The following ESD variants were observed in gnomAD, a reference collection of about 807,000 sequenced individuals.
ESD encodes the protein esterase D, also known as S-formylglutathione hydrolase.
In ESD, 34 loss-of-function variants were observed where a neutral mutation model predicts 38.1. The ratio of observed to expected loss-of-function variants is 0.89; its 90% CI spans 0.68 to 1.19. The LOEUF is 1.19. Ranked by LOEUF, ESD falls within the 50% of genes most tolerant of loss-of-function variation. The pLI is 0.00. For synonymous variants in ESD, 97 were observed against 107.0 expected (o/e 0.91, Z 0.58); for missense variants, 334 against 327.2 (o/e 1.02, Z -0.16).
At chr13:46,782,101 T>C (rs1303143446) in intron 6 of ESD, among the ~76,000 whole-genome samples, 1 of 151,584 alleles carries the variant, frequency 6.6e-6, no homozygotes, top group East Asian at 1.9e-4. Flanking sequence ...TATATGTAAC[T>C]TAAAAAGAAG....
intron 3 of ESD, among the ~76,000 whole-genome samples, chr13:46,789,840 A>C (rs987583062): frequency 2.0e-5 from 3 of 151,686 alleles, no homozygotes; most frequent in Admixed American, 6.6e-5. Context: ...TTTGAGACAG[A>C]GTTTCGCTCT....
intron 8 of ESD, among the ~76,000 whole-genome samples, 175 bp from the exon 9 acceptor site, chr13:46,777,798 C>T (rs769468408): frequency 4.6e-5 from 7 of 151,812 alleles, no homozygotes; most frequent in Non-Finnish European, 1.0e-4. Context: ...ACAAGGTCTT[C>T]GGAATTCTAT....
At chr13:46,786,106 T>C (rs969480535) in intron 4 of ESD, among the ~76,000 whole-genome samples, 13 of 152,068 alleles carry the variant, frequency 8.5e-5, no homozygotes, top group African/African-American at 3.1e-4. Context: ...ATTAAATAAC[T>C]AATTTTGTTG....
chr13:46,789,169 T>C (rs1474775634), intron 3 of ESD, among the ~76,000 whole-genome samples: 1 of 152,184 alleles, frequency 6.6e-6, no homozygotes, highest in Non-Finnish European at 1.5e-5. Flanking sequence ...TGGAAACTCT[T>C]TCTCCTCTGA....
At chr13:46,796,501 T>C (rs1352435926) in intron 1 of ESD, among the ~76,000 whole-genome samples, 1 of 152,224 alleles carries the variant, frequency 6.6e-6, no homozygotes, top group Non-Finnish European at 1.5e-5. Context: ...CCCATTTCCC[T>C]AATGACCCCA....
At position 46,771,477 on chromosome 13, in the gene ESD, T is replaced by C; in HGVS notation, c.788A>G (p.Tyr263Cys). Residue 263 changes from tyrosine (Y) to cysteine (C), a missense_variant, in exon 10 of 10, where the codon TAC becomes TGC. By Grantham distance (194) the Tyr-to-Cys change is radical. Coordinates refer to ENST00000378720, the MANE Select transcript of ESD (RefSeq NM_001984.2). ...RLQEGYDHSY[Y>C]FIATFITDHI... Reference sequence around the variant, plus strand: ...GTCAGTAATAAAGGTTGCAATGAAGTAGTAGCTATGATCATAACCCTAGAA... The same window carrying C: ...GTCAGTAATAAAGGTTGCAATGAAGCAGTAGCTATGATCATAACCCTAGAA... The C allele has an allele frequency of 1.2e-6, 2 of 1,603,308 alleles. No individual in the cohort carries two copies. The highest frequency in any genetic ancestry group is 1.7e-6 in the Non-Finnish European group (2 of 1,171,200).
At chr13:46,773,351 A>C (rs1297558768) in intron 9 of ESD, among the ~76,000 whole-genome samples, 1 of 152,166 alleles carries the variant, frequency 6.6e-6, no homozygotes, top group Non-Finnish European at 1.5e-5. Context: ...ACTAATTTAC[A>C]CTCCAGGTGG....
intron 7 of ESD, among the ~76,000 whole-genome samples, chr13:46,780,772 T>C (rs1438963097): frequency 1.3e-5 from 2 of 151,766 alleles, no homozygotes; most frequent in Non-Finnish European, 3.0e-5. Flanking sequence ...GAAACTGTTA[T>C]GAGAAATGTT....
In ESD at chr13:46,777,506, T is replaced by C; in HGVS notation, c.718A>G (p.Ile240Val). The C allele has an allele frequency of 6.2e-7, 1 of 1,611,262 alleles. No individual in the cohort carries two copies. The highest frequency in any genetic ancestry group is 1.1e-5 in the South Asian group (1 of 90,772). The part of the protein sequence containing the change: ...LDGQLLPDNF[I>V]AACTEKKIPV... Reference sequence around the variant, plus strand: ...ATTTTCTTTTCTGTACAGGCAGCTATGAAGTTATCAGGGAGTAACTGTCCA... The same window carrying C: ...ATTTTCTTTTCTGTACAGGCAGCTACGAAGTTATCAGGGAGTAACTGTCCA... The change falls in exon 9 of 10, where the codon ATA becomes GTA. Residue 240 changes from isoleucine to valine, a missense_variant. Coordinates refer to ENST00000378720, the MANE Select transcript of ESD (RefSeq NM_001984.2).
chr13:46,792,742 A>G (rs191581000), intron 2 of ESD, among the ~76,000 whole-genome samples: 102 of 152,180 alleles, frequency 6.7e-4, no homozygotes, highest in African/African-American at 2.0e-3. Flanking sequence ...CTCCCATGAG[A>G]TGTTATTAGT....
intron 3 of ESD, among the ~76,000 whole-genome samples, chr13:46,787,961 A>T (rs1875252696): frequency 6.6e-6 from 1 of 151,882 alleles, no homozygotes; most frequent in Admixed American, 6.6e-5. Context: ...TTTAGTTATT[A>T]TCTATTGGCT....
intron 7 of ESD, among the ~76,000 whole-genome samples, chr13:46,781,075 A>G (rs1874980557): frequency 6.6e-6 from 1 of 151,792 alleles, no homozygotes; most frequent in Admixed American, 6.6e-5. Context: ...ACAATTCTTA[A>G]GCTTCTACAA....
At chr13:46,776,265 T>G (rs1293013499) in intron 9 of ESD, 1 of 152,478 alleles carries the variant, frequency 6.6e-6, no homozygotes, top group Non-Finnish European at 1.5e-5. Context: ...TATTAGTTTT[T>G]GACATTTTCT....
At chr13:46,784,196 T>C (rs2138295251) in intron 5 of ESD, 56 bp downstream of exon 5, 1 of 1,363,538 alleles carries the variant, frequency 7.3e-7, no homozygotes, top group East Asian at 2.3e-5. Context: ...TACCACTTTA[T>C]ACCAGTCTTA....
chr13:46,786,300 G>A (rs1355544825), intron 4 of ESD, among the ~76,000 whole-genome samples: 6 of 151,926 alleles, frequency 3.9e-5, no homozygotes, highest in African/African-American at 1.4e-4. Context: ...ACACATGAGG[G>A]AGGATTTGTT....
At chr13:46,797,417 GGATCAGT>G (rs1418933798), upstream of ESD, among the ~76,000 whole-genome samples, 2 of 152,234 alleles carry the variant, frequency 1.3e-5, no homozygotes, top group Admixed American at 6.5e-5. Flanking sequence ...ACCTTGTCGG[GGATCAGT>G]CTGCTGTGCG....
At chr13:46,773,117 T>C (rs955607215) in intron 9 of ESD, among the ~76,000 whole-genome samples, 1 of 152,248 alleles carries the variant, frequency 6.6e-6, no homozygotes, top group African/African-American at 2.4e-5. Flanking sequence ...ATGTACCACA[T>C]TTTCTTTATT....
intron 6 of ESD, 28 bp downstream of exon 6, chr13:46,782,638 AT>A (rs768565458): frequency 1.2e-6 from 2 of 1,606,512 alleles, no homozygotes; most frequent in South Asian, 2.2e-5. Flanking sequence ...GCAGTCATCA[AT>A]TAATAATTAC....
chr13:46,795,405 C>T (rs1875538709), intron 1 of ESD, among the ~76,000 whole-genome samples: 1 of 152,176 alleles, frequency 6.6e-6, no homozygotes, highest in South Asian at 2.1e-4. Flanking sequence ...ATAATATTTA[C>T]TATCTTAACC....
Sources: allele counts gnomAD v4.1 joint callset (sites outside exome capture counted in the v4.1 genomes callset), GRCh38; gene constraint gnomAD v4.1.1; transcripts MANE v1.5; gene names NCBI Gene and HGNC (gene_info 2026-07-23, HGNC 2026-07-21).